Variants in SNTG1 observed in about 807,000 individuals in gnomAD.
The protein encoded by SNTG1 is syntrophin gamma 1.
In SNTG1, 39 loss-of-function variants were observed where a neutral mutation model predicts 74.7. The observed-to-expected ratio is 0.52, with a 90% CI of 0.40 to 0.68. The LOEUF is 0.68. Among genes scored for constraint, SNTG1 ranks in the 30% least tolerant of loss-of-function variants. The pLI, the probability that SNTG1 is intolerant of heterozygous loss-of-function variation, is 0.00. For synonymous variants in SNTG1, 254 were observed against 217.1 expected (o/e 1.17, Z -1.49); for missense variants, 685 against 609.5 (o/e 1.12, Z -1.30).
intron 12 of SNTG1, among the ~76,000 whole-genome samples, chr8:50,565,359 A>G (rs1439183207): frequency 6.6e-6 from 1 of 152,018 alleles, no homozygotes; most frequent in Non-Finnish European, 1.5e-5. Flanking sequence ...TCATTGTATT[A>G]TTAATCATAA....
intron 2 of SNTG1, among the ~76,000 whole-genome samples, chr8:50,284,471 A>T (rs747521690): frequency 6.6e-6 from 1 of 152,016 alleles, no homozygotes; most frequent in East Asian, 1.9e-4. Context: ...GACTTTGGCC[A>T]TTGGTTGTCC....
At chr8:50,167,812 C>CA (rs1312245688) in intron 1 of SNTG1, among the ~76,000 whole-genome samples, 1,370 of 75,244 alleles carry the variant, frequency 0.018, 21 homozygotes, top group African/African-American at 0.049. Flanking sequence ...GATTCTATCT[C>CA]AAAAAAAAAA....
At chr8:50,328,767 C>A (rs2090850668) in intron 2 of SNTG1, among the ~76,000 whole-genome samples, 1 of 152,096 alleles carries the variant, frequency 6.6e-6, no homozygotes, top group African/African-American at 2.4e-5. Context: ...TGGCCCCTCC[C>A]AAATCTCATG....
intron 1 of SNTG1, among the ~76,000 whole-genome samples, chr8:49,996,038 AC>A (rs1295730049): frequency 6.6e-6 from 1 of 152,104 alleles, no homozygotes; most frequent in Non-Finnish European, 1.5e-5. Flanking sequence ...AAAAGATGAA[AC>A]CTTAGAAATT....
intron 2 of SNTG1, among the ~76,000 whole-genome samples, chr8:50,222,245 C>T (rs564812485): frequency 1.3e-5 from 2 of 152,278 alleles, no homozygotes; most frequent in Admixed American, 1.3e-4. Flanking sequence ...GAAACTCATC[C>T]TCCTAACCTG....
intron 17 of SNTG1, among the ~76,000 whole-genome samples, chr8:50,730,050 C>T (rs920595903): frequency 5.9e-5 from 9 of 151,328 alleles, no homozygotes; most frequent in East Asian, 1.9e-4. Flanking sequence ...AAAATGAGAG[C>T]GATTGGGAAG....
Position 50,536,782 on chromosome 8 carries a change from G to C in SNTG1, c.654G>C (p.Gln218His), listed in dbSNP as rs748159361. 1.7e-5 allele frequency: 27 copies of C among 1,613,868 alleles called. No homozygotes were observed. Among genetic ancestry groups the C allele is most frequent in the Non-Finnish European group, 2.3e-5 (27 of 1,179,872 alleles). ...CTCTACTTCATTCGCGCTTCTCTCAGTATGTGCCCGGCACAGATTTGAGTC... is the reference window on the plus strand; with the variant it reads ...CTCTACTTCATTCGCGCTTCTCTCACTATGTGCCCGGCACAGATTTGAGTC... ...LIPLLHSRFS[Q>H]YVPGTDLSRQ... The change falls in exon 11 of 19, where the codon CAG (glutamine) becomes CAC (histidine). Residue 218 changes from glutamine to histidine, a missense_variant. Physicochemically the swap from Gln to His is conservative, Grantham distance 24. Coordinates refer to ENST00000642720, the MANE Select transcript of SNTG1 (RefSeq NM_018967.5).
chr8:50,588,596 C>A (rs990325130), intron 12 of SNTG1, among the ~76,000 whole-genome samples: 1 of 152,100 alleles, frequency 6.6e-6, no homozygotes, highest in African/African-American at 2.4e-5. Flanking sequence ...TATTTTCTTG[C>A]CAAATAAATC....
chr8:50,775,386 C>G (rs762514829), intron 18 of SNTG1, among the ~76,000 whole-genome samples: 1 of 151,568 alleles, frequency 6.6e-6, no homozygotes, highest in Non-Finnish European at 1.5e-5. Context: ...TTTTGAGACT[C>G]TCTTGTATAT....
intron 2 of SNTG1, among the ~76,000 whole-genome samples, chr8:50,369,414 TG>T (rs1475280917): frequency 6.6e-6 from 1 of 152,008 alleles, no homozygotes; most frequent in African/African-American, 2.4e-5. Context: ...CTGACCAACA[TG>T]GGGAAACCCC....
At chr8:50,108,322 A>G (rs203625) in intron 1 of SNTG1, among the ~76,000 whole-genome samples, 138,291 of 152,228 alleles carry the variant, frequency 0.91, 63,057 homozygotes, top group East Asian at 1. Flanking sequence ...ATGAAGAGAT[A>G]TTACAAAGTA....
At chr8:50,272,905 TAAA>T (rs3086115) in intron 2 of SNTG1, among the ~76,000 whole-genome samples, 1,941 of 140,292 alleles carry the variant, frequency 0.014, 39 homozygotes, top group African/African-American at 0.045. Context: ...CCTGGATACT[TAAA>T]AAAAAAAAAA....
At chr8:50,334,963 C>A (rs2091092956) in intron 2 of SNTG1, among the ~76,000 whole-genome samples, 1 of 152,130 alleles carries the variant, frequency 6.6e-6, no homozygotes, top group South Asian at 2.1e-4. Context: ...ATTATACTTA[C>A]AAAGGAGACT....
At chr8:50,610,053 G>A (rs76657293) in intron 13 of SNTG1, among the ~76,000 whole-genome samples, 5,662 of 152,028 alleles carry the variant, frequency 0.037, 181 homozygotes, top group African/African-American at 0.075. Context: ...CTCTTTCGTT[G>A]AAAATTGGAC....
chr8:50,278,422 T>C (rs1384517619), intron 2 of SNTG1, among the ~76,000 whole-genome samples: 2 of 152,174 alleles, frequency 1.3e-5, no homozygotes, highest in East Asian at 3.9e-4. Flanking sequence ...TCAGTAAAAG[T>C]ATAATAATGA....
intron 12 of SNTG1, among the ~76,000 whole-genome samples, chr8:50,562,486 G>T (rs1182694780): frequency 6.6e-6 from 1 of 152,142 alleles, no homozygotes; most frequent in Non-Finnish European, 1.5e-5. Context: ...GCAGTGAAAG[G>T]CTGCACTTCT....
chr8:50,149,279 T>C (rs1347498371), intron 1 of SNTG1, among the ~76,000 whole-genome samples: 2 of 152,232 alleles, frequency 1.3e-5, no homozygotes, highest in Non-Finnish European at 2.9e-5. Context: ...TCTTTGTAGA[T>C]TCTGGATATT....
intron 9 of SNTG1, among the ~76,000 whole-genome samples, chr8:50,514,850 C>T (rs2094117907): frequency 6.6e-6 from 1 of 152,066 alleles, no homozygotes; most frequent in Non-Finnish European, 1.5e-5. Context: ...TATTGTGTTG[C>T]TGTCTATCCC....
chr8:50,286,887 T>C (rs1364087870), intron 2 of SNTG1: 2 of 152,208 alleles, frequency 1.3e-5, no homozygotes, highest in Non-Finnish European at 2.9e-5. Flanking sequence ...GAAGCAGCTC[T>C]GATTGAGGTC....
Sources: allele counts gnomAD v4.1 joint callset (sites outside exome capture counted in the v4.1 genomes callset), GRCh38; gene constraint gnomAD v4.1.1; transcripts MANE v1.5; gene names NCBI Gene and HGNC (gene_info 2026-07-23, HGNC 2026-07-21).